HMGB1: variants seen among roughly 807,000 people sequenced by gnomAD.
The protein encoded by HMGB1 is high mobility group box 1, also known as high mobility group protein B1.
For synonymous variants in HMGB1, 81 were observed against 84.0 expected (o/e 0.96, Z 0.19); for missense variants, 79 against 253.5 (o/e 0.31, Z 4.67).
Position 30,586,958 on chromosome 13 carries a change from T to C in HMGB1, c.-15+29713A>G, listed in dbSNP as rs1482830067. Among the ~76,000 whole-genome samples, 11 of 152,194 alleles carry C rather than the reference T, an allele frequency of 7.2e-5. No homozygotes were observed. The East Asian group carries it at 1.9e-3, about 27-fold the overall frequency. On this transcript the variant is annotated intron_variant, in intron 1 of 4. Transcript: ENST00000405805. ...GAATAAATGTTTGTTCCCCCAAGTA[T>C]TTGTTGCTATAAATTTATGAAGAAT...
intron 1 of HMGB1, among the ~76,000 whole-genome samples, chr13:30,516,161 T>C (rs1463742645): frequency 6.6e-6 from 1 of 152,176 alleles, no homozygotes; most frequent in Non-Finnish European, 1.5e-5. Context: ...CTTTGAGAAA[T>C]AATTTTTGAC....
chr13:30,610,794 G>A (rs192406874), intron 1 of HMGB1, among the ~76,000 whole-genome samples: 1 of 151,524 alleles, frequency 6.6e-6, no homozygotes, highest in Admixed American at 6.6e-5. Context: ...CAGAGGTAGG[G>A]AAGCAAAAAT....
intron 1 of HMGB1, among the ~76,000 whole-genome samples, chr13:30,478,810 G>A (rs968360860): frequency 6.6e-6 from 1 of 151,414 alleles, no homozygotes; most frequent in Admixed American, 6.6e-5. Context: ...GGGATTATAG[G>A]CATGAGCCAC....
intron 1 of HMGB1, among the ~76,000 whole-genome samples, chr13:30,604,217 C>T (rs1445760004): frequency 6.6e-6 from 1 of 151,956 alleles, no homozygotes; most frequent in Non-Finnish European, 1.5e-5. Flanking sequence ...ACAGATTTGA[C>T]GCTAATGAGA....
At chr13:30,505,390 G>A (rs567377891) in intron 1 of HMGB1, among the ~76,000 whole-genome samples, 10 of 151,704 alleles carry the variant, frequency 6.6e-5, no homozygotes, top group African/African-American at 1.9e-4. Flanking sequence ...GTGTTAGCCA[G>A]GATGGTCTCC....
chr13:30,578,792 T>C (rs1173514529), intron 1 of HMGB1, among the ~76,000 whole-genome samples: 1 of 152,252 alleles, frequency 6.6e-6, no homozygotes, highest in East Asian at 1.9e-4. Flanking sequence ...TTACTGTTGC[T>C]GGAACAAGTT....
intron 1 of HMGB1, chr13:30,554,030 G>A (rs1469147538): frequency 2.3e-5 from 34 of 1,462,786 alleles, no homozygotes; most frequent in Non-Finnish European, 2.4e-5. Context: ...AGAAAGAATC[G>A]GTTAAATGTG....
chr13:30,581,852 G>C (rs1870915120), intron 1 of HMGB1, among the ~76,000 whole-genome samples: 1 of 152,112 alleles, frequency 6.6e-6, no homozygotes, highest in Non-Finnish European at 1.5e-5. Flanking sequence ...TCTATACCTG[G>C]TTCTCCTTGG....
intron 1 of HMGB1, among the ~76,000 whole-genome samples, chr13:30,512,111 C>A (rs553449930): frequency 1.3e-5 from 2 of 151,078 alleles, no homozygotes. Flanking sequence ...CTCAGGAGTT[C>A]GAGACCAGAC....
At chr13:30,545,936 A>C (rs901632002) in intron 1 of HMGB1, among the ~76,000 whole-genome samples, 2 of 152,136 alleles carry the variant, frequency 1.3e-5, no homozygotes, top group Non-Finnish European at 2.9e-5. Context: ...TCCTGGGCTC[A>C]AGCGAACCAC....
At chr13:30,587,795 T>C (rs1260225558) in intron 1 of HMGB1, among the ~76,000 whole-genome samples, 1 of 152,244 alleles carries the variant, frequency 6.6e-6, no homozygotes, top group Non-Finnish European at 1.5e-5. Context: ...TGATAGGATT[T>C]CCTTTTATCT....
chr13:30,559,184 G>T lies in HMGB1; in HGVS notation c.-15+57487C>A, dbSNP rs1421381099. Among the ~76,000 whole-genome samples the T allele has an allele frequency of 6.6e-6, 1 of 152,132 alleles. No individual in the cohort carries two copies. The highest frequency in any genetic ancestry group is 2.4e-5 in the African/African-American group (1 of 41,424). Reference sequence around the variant, plus strand: ...TGCGGGTGGAGGAAAAATTGCCCCTGTTGAGAAGCACTGCCTTAGATCATT... The same window carrying T: ...TGCGGGTGGAGGAAAAATTGCCCCTTTTGAGAAGCACTGCCTTAGATCATT... On this transcript the variant is annotated intron_variant, in intron 1 of 4. Coordinates refer to the HMGB1 transcript ENST00000405805. The surrounding 1 kb of genome is among the most constrained non-coding windows in gnomAD (Gnocchi z 6.6).
At chr13:30,496,419 T>C (rs1443479734) in intron 1 of HMGB1, among the ~76,000 whole-genome samples, 1 of 152,188 alleles carries the variant, frequency 6.6e-6, no homozygotes, top group Non-Finnish European at 1.5e-5. Flanking sequence ...CCCTGATAGC[T>C]ATGGGACACC....
chr13:30,583,124 C>G (rs370672289), intron 1 of HMGB1, among the ~76,000 whole-genome samples: 37 of 152,164 alleles, frequency 2.4e-4, no homozygotes, highest in South Asian at 4.2e-4. Flanking sequence ...ACCTCAACCT[C>G]CCAAAGTGAT....
At chr13:30,502,220 A>C (rs904474124) in intron 1 of HMGB1, among the ~76,000 whole-genome samples, 1 of 152,214 alleles carries the variant, frequency 6.6e-6, no homozygotes, top group African/African-American at 2.4e-5. Flanking sequence ...AGTATAATTC[A>C]TTTATTTATT....
intron 1 of HMGB1, among the ~76,000 whole-genome samples, chr13:30,530,322 T>C (rs1408445412): frequency 6.6e-6 from 1 of 152,210 alleles, no homozygotes; most frequent in Non-Finnish European, 1.5e-5. Context: ...ATTATGTATA[T>C]GCAAATATTC....
chr13:30,568,383 T>C (rs1412208592), intron 1 of HMGB1, among the ~76,000 whole-genome samples: 1 of 152,150 alleles, frequency 6.6e-6, no homozygotes, highest in Non-Finnish European at 1.5e-5. Context: ...GGCATGCACC[T>C]GAAGTTCCAG....
At chr13:30,567,659 A>C (rs1870247155) in intron 1 of HMGB1, among the ~76,000 whole-genome samples, 1 of 152,014 alleles carries the variant, frequency 6.6e-6, no homozygotes, top group Admixed American at 6.6e-5. Flanking sequence ...CTGTTAACCA[A>C]ATTTCTAATC....
At chr13:30,562,191 GGA>G (rs1869985797) in intron 1 of HMGB1, among the ~76,000 whole-genome samples, 1 of 151,824 alleles carries the variant, frequency 6.6e-6, no homozygotes, top group African/African-American at 2.4e-5. Flanking sequence ...CAGCTACTAG[GGA>G]GGCTGAGGCA....
Sources: gnomAD v4.1 joint callset for allele counts (sites outside exome capture counted in the v4.1 genomes callset) on GRCh38, gnomAD v4.1.1 for gene constraint, Gnocchi (gnomAD v3.1) non-coding constraint, MANE v1.5 for transcripts, NCBI Gene and HGNC (gene_info 2026-07-23, HGNC 2026-07-21) for gene names.